The following PRKG1 variants were observed in gnomAD, a reference collection of about 807,000 sequenced individuals.
The protein encoded by PRKG1 is protein kinase cGMP-dependent 1.
Under a neutral mutation model 88.1 loss-of-function variants are expected in PRKG1, and 35 were observed. The observed-to-expected ratio is 0.40, with a 90% CI of 0.30 to 0.53. The LOEUF (loss-of-function observed/expected upper bound fraction) is 0.53, where lower values mean the gene tolerates loss of function less well. Ranked by LOEUF, PRKG1 falls within the 20% of genes least tolerant of loss-of-function variation. The pLI is 0.59. For synonymous variants in PRKG1, 303 were observed against 292.5 expected, an observed-to-expected ratio of 1.04 and a Z score of -0.37; for missense variants, 540 against 839.8, an observed-to-expected ratio of 0.64 and a Z score of 4.41.
chr10:51,653,965 C>T (rs764273693), intron 3 of PRKG1, among the ~76,000 whole-genome samples: 5 of 152,062 alleles, frequency 3.3e-5, no homozygotes, highest in Non-Finnish European at 7.4e-5. Flanking sequence ...GTATAGTTTG[C>T]AATTATTTTC....
chr10:51,280,125 A>G (rs1214088030), intron 2 of PRKG1, among the ~76,000 whole-genome samples: 4 of 152,082 alleles, frequency 2.6e-5, no homozygotes, highest in African/African-American at 9.7e-5. Flanking sequence ...TTTCTCCTTC[A>G]CTTATGAAGC....
chr10:52,283,069 TA>T (rs917914579), intron 14 of PRKG1, among the ~76,000 whole-genome samples: 1 of 151,872 alleles, frequency 6.6e-6, no homozygotes, highest in Non-Finnish European at 1.5e-5. Context: ...AAGGTTCATG[TA>T]AAAAAAACAG....
chr10:52,246,962 T>C (rs1259754330), intron 9 of PRKG1, among the ~76,000 whole-genome samples: 1 of 114,538 alleles, frequency 8.7e-6, no homozygotes, highest in Non-Finnish European at 2.1e-5. Flanking sequence ...CAGATGAATC[T>C]TATAATCAGA....
At chr10:51,112,700 A>G (rs981518952) in intron 1 of PRKG1, among the ~76,000 whole-genome samples, 1 of 152,278 alleles carries the variant, frequency 6.6e-6, no homozygotes, top group African/African-American at 2.4e-5. Flanking sequence ...GTATATTTGG[A>G]AAATTAGGAT....
chr10:51,139,691 G>A (rs1456842731), intron 1 of PRKG1, among the ~76,000 whole-genome samples: 1 of 152,148 alleles, frequency 6.6e-6, no homozygotes, highest in Non-Finnish European at 1.5e-5. Context: ...TTTCAAGTTA[G>A]TCTCACTTCT....
At chr10:51,219,155 T>C (rs1838456148) in intron 2 of PRKG1, among the ~76,000 whole-genome samples, 2 of 152,232 alleles carry the variant, frequency 1.3e-5, no homozygotes, top group Non-Finnish European at 2.9e-5. Context: ...GAATACAGAT[T>C]ACTCATTTTC....
chr10:51,392,961 A>T (rs1336612451), intron 2 of PRKG1, among the ~76,000 whole-genome samples: 1 of 114,424 alleles, frequency 8.7e-6, no homozygotes, highest in Non-Finnish European at 1.8e-5. Flanking sequence ...CTGAGGGCTG[A>T]CCCCCCACCT....
At chr10:51,724,441 C>A (rs1020015081) in intron 3 of PRKG1, among the ~76,000 whole-genome samples, 3 of 152,216 alleles carry the variant, frequency 2.0e-5, no homozygotes, top group Non-Finnish European at 4.4e-5. Flanking sequence ...CAATGGATGG[C>A]ACTTTCAAAA....
intron 5 of PRKG1, among the ~76,000 whole-genome samples, chr10:52,035,768 GT>G (rs1845592828): frequency 6.6e-6 from 1 of 152,106 alleles, no homozygotes; most frequent in African/African-American, 2.4e-5. Flanking sequence ...GATTTTGGAA[GT>G]TATGAGAACT....
At chr10:51,274,321 T>C (rs1840058923) in intron 2 of PRKG1, among the ~76,000 whole-genome samples, 1 of 152,198 alleles carries the variant, frequency 6.6e-6, no homozygotes, top group Non-Finnish European at 1.5e-5. Context: ...GAACTTGTTA[T>C]ATATCACCTT....
intron 5 of PRKG1, among the ~76,000 whole-genome samples, chr10:52,024,271 A>C (rs1020817902): frequency 1.3e-5 from 2 of 151,914 alleles, no homozygotes; most frequent in African/African-American, 4.8e-5. Context: ...CAGAATTGGA[A>C]AAAACTACTT....
intron 1 of PRKG1, among the ~76,000 whole-genome samples, chr10:51,039,520 C>G (rs1180573951): frequency 6.6e-6 from 1 of 152,092 alleles, no homozygotes; most frequent in Non-Finnish European, 1.5e-5. Flanking sequence ...AATATTTTCT[C>G]CCATTCCTTG....
intron 2 of PRKG1, among the ~76,000 whole-genome samples, chr10:51,359,315 G>A (rs890766016): frequency 2.0e-5 from 3 of 151,764 alleles, no homozygotes; most frequent in Non-Finnish European, 4.4e-5. Context: ...GACCTCTTTA[G>A]CCACTTTAAT....
chr10:51,402,776 A>G (rs1381651190), intron 2 of PRKG1, among the ~76,000 whole-genome samples: 2 of 152,154 alleles, frequency 1.3e-5, no homozygotes, highest in Non-Finnish European at 2.9e-5. Context: ...AGTGGTAGGA[A>G]CTACTCTTTT....
At chr10:51,987,637 T>A (rs1317113972) in intron 5 of PRKG1, among the ~76,000 whole-genome samples, 4 of 152,062 alleles carry the variant, frequency 2.6e-5, no homozygotes, top group Admixed American at 2.6e-4. Context: ...ATTCTATAAG[T>A]TTATCTCCAA....
At chr10:51,014,386 A>G (rs1270939849) in intron 1 of PRKG1, among the ~76,000 whole-genome samples, 4 of 151,102 alleles carry the variant, frequency 2.6e-5, no homozygotes, top group Non-Finnish European at 5.9e-5. Context: ...CCAACGTAAG[A>G]TGGCTTTGTC....
chr10:52,169,057 G>A (rs1177065071), intron 9 of PRKG1, among the ~76,000 whole-genome samples: 2 of 152,184 alleles, frequency 1.3e-5, no homozygotes, highest in African/African-American at 4.8e-5. Context: ...ATTAGAGAGT[G>A]AGAGGAGCAT....
intron 2 of PRKG1, among the ~76,000 whole-genome samples, chr10:51,407,830 T>G (rs1837962715): frequency 6.6e-6 from 1 of 152,170 alleles, no homozygotes; most frequent in South Asian, 2.1e-4. Context: ...TTACCTCCAT[T>G]GTGGAGTAGT....
chr10:51,269,536 A>G (rs1391201803), intron 2 of PRKG1, among the ~76,000 whole-genome samples: 4 of 152,230 alleles, frequency 2.6e-5, no homozygotes, highest in Non-Finnish European at 5.9e-5. Flanking sequence ...ACTCAGCCAT[A>G]AAATGGAATG....
Sources: gnomAD v4.1 joint callset for allele counts (sites outside exome capture counted in the v4.1 genomes callset) on GRCh38, gnomAD v4.1.1 for gene constraint, MANE v1.5 for transcripts, NCBI Gene and HGNC (gene_info 2026-07-23, HGNC 2026-07-21) for gene names.